Variants in VPS13D observed in about 807,000 individuals in gnomAD.
VPS13D encodes the protein vacuolar protein sorting 13 homolog D, also known as intermembrane lipid transfer protein VPS13D.
Under a neutral mutation model 461.9 loss-of-function variants are expected in VPS13D, and 187 were observed. The ratio of observed to expected loss-of-function variants is 0.40; its 90% CI spans 0.36 to 0.46. The LOEUF is 0.46. Ranked by LOEUF, VPS13D falls within the 20% of genes least tolerant of loss-of-function variation. VPS13D has a pLI of 0.60. For missense variants in VPS13D, 4,711 were observed against 5,364.9 expected, an observed-to-expected ratio of 0.88 and a Z score of 3.81; for synonymous variants, 1,951 against 1,986.3, an observed-to-expected ratio of 0.98 and a Z score of 0.47.
chr1:12,344,210 A>G (rs568977898), intron 42 of VPS13D, among the ~76,000 whole-genome samples: 6 of 152,336 alleles, frequency 3.9e-5, no homozygotes, highest in East Asian at 3.9e-4. Flanking sequence ...TTTGAGCCTC[A>G]TATTTGTTTT....
rs747960751 is a variant in VPS13D at position 12,268,777 on chromosome 1, C to A, written c.1873C>A (p.Arg625=). The change falls in exon 16 of 70, where the codon CGG becomes AGG. Residue 625 remains arginine, a synonymous_variant. Transcript: ENST00000620676. ...TCCGGCGCACAGCCACTTTGAGAGGCGGCTCAATGTCAGCACAAGGCCCTT... is the reference window on the plus strand; with the variant it reads ...TCCGGCGCACAGCCACTTTGAGAGGAGGCTCAATGTCAGCACAAGGCCCTT... ...RNPAHSHFER[R]LNVSTRPLNI... The A allele has an allele frequency of 1.9e-6, 3 of 1,614,050 alleles. No homozygotes were observed. Among genetic ancestry groups the A allele is most frequent in the Non-Finnish European group, 1.7e-6 (2 of 1,179,992 alleles).
chr1:12,328,908 G>T (rs144879170), intron 36 of VPS13D, among the ~76,000 whole-genome samples: 1 of 152,098 alleles, frequency 6.6e-6, no homozygotes, highest in Non-Finnish European at 1.5e-5. Context: ...CCATTGTTTC[G>T]ATCTTGCCAG....
intron 55 of VPS13D, among the ~76,000 whole-genome samples, chr1:12,376,824 G>A (rs889288891): frequency 6.6e-6 from 1 of 152,148 alleles, no homozygotes; most frequent in African/African-American, 2.4e-5. Flanking sequence ...TGGAGTGTAG[G>A]TGTGACTGAA....
At chr1:12,469,442 T>G (rs1645534804) in intron 67 of VPS13D, among the ~76,000 whole-genome samples, 1 of 152,204 alleles carries the variant, frequency 6.6e-6, no homozygotes, top group Non-Finnish European at 1.5e-5. Flanking sequence ...CTTAAGAGAT[T>G]TACAAAAATG....
intron 29 of VPS13D, among the ~76,000 whole-genome samples, chr1:12,312,360 T>C (rs766689718): frequency 6.6e-6 from 1 of 152,082 alleles, no homozygotes; most frequent in Non-Finnish European, 1.5e-5. Flanking sequence ...CCACACAGGG[T>C]GATGGAGTCA....
intron 65 of VPS13D, among the ~76,000 whole-genome samples, chr1:12,453,260 C>T (rs765861126): frequency 6.6e-6 from 1 of 151,978 alleles, no homozygotes; most frequent in Admixed American, 6.6e-5. Context: ...AGATTATTCT[C>T]CCATATTCTC....
Position 12,460,171 on chromosome 1 carries a change from G to A in VPS13D, c.12467-30G>A, listed in dbSNP as rs779186189. 3.3e-6 allele frequency: 5 copies of A among 1,533,306 alleles called. No individual in the cohort carries two copies. The African/African-American group carries it at 4.2e-5, about 13-fold the overall frequency. 95.0% of individuals were successfully genotyped at this position (1,533,306 alleles called of 1,614,324 possible). ...AATGCTTTTGCTTTTGTCCTCGTCAGGTTACAACAGCCCTTGTCTTTTTCA... is the reference window on the plus strand; with the variant it reads ...AATGCTTTTGCTTTTGTCCTCGTCAAGTTACAACAGCCCTTGTCTTTTTCA... On this transcript the variant is annotated intron_variant, in intron 66 of 69. Coordinates refer to ENST00000620676, the MANE Select transcript of VPS13D (RefSeq NM_015378.4).
intron 63 of VPS13D, among the ~76,000 whole-genome samples, chr1:12,407,088 A>G (rs1178147969): frequency 2.6e-5 from 4 of 152,244 alleles, no homozygotes; most frequent in Non-Finnish European, 5.9e-5. Flanking sequence ...GATTTGTTAA[A>G]AGGAAAAAAG....
intron 32 of VPS13D, 81 bp downstream of exon 32, chr1:12,319,711 C>T: frequency 1.9e-6 from 3 of 1,589,222 alleles, no homozygotes; most frequent in African/African-American, 2.7e-5. Context: ...CCCTCTTAAA[C>T]TTTCATGAGG....
chr1:12,452,425 C>G (rs535919209), intron 65 of VPS13D, among the ~76,000 whole-genome samples: 85 of 152,336 alleles, frequency 5.6e-4, no homozygotes, highest in African/African-American at 1.9e-3. Flanking sequence ...TAAAATAGTG[C>G]TTCCAAGCTT....
intron 25 of VPS13D, among the ~76,000 whole-genome samples, chr1:12,301,137 C>T (rs1008496073): frequency 6.6e-6 from 1 of 152,228 alleles, no homozygotes; most frequent in Non-Finnish European, 1.5e-5. Context: ...GTGCTCTTTA[C>T]ATATAAAAGG....
In VPS13D at chr1:12,436,340, G is replaced by A. The variant is rs555775148; in HGVS notation, c.12333+19513G>A. On this transcript the variant is annotated intron_variant, in intron 65 of 69. Transcript: ENST00000620676. Reference sequence around the variant, plus strand: ...AAGTCCAAGGAGATGCTTGCCATGTGGACAAGAGACAGGTGGGGACAAGAA... The same window carrying A: ...AAGTCCAAGGAGATGCTTGCCATGTAGACAAGAGACAGGTGGGGACAAGAA... Among the ~76,000 whole-genome samples, 3 of 152,296 alleles carry A rather than the reference G, an allele frequency of 2.0e-5. No individual in the cohort carries two copies. The South Asian group carries it at 6.2e-4, about 32-fold the overall frequency.
At chr1:12,442,434 A>G (rs944627739) in intron 65 of VPS13D, among the ~76,000 whole-genome samples, 2 of 152,208 alleles carry the variant, frequency 1.3e-5, no homozygotes, top group Non-Finnish European at 2.9e-5. Context: ...CTAAAGTTAC[A>G]TGAAACAAAC....
chr1:12,467,679 A>G (rs372373100), intron 67 of VPS13D, among the ~76,000 whole-genome samples: 4 of 152,282 alleles, frequency 2.6e-5, no homozygotes, highest in African/African-American at 7.2e-5. Flanking sequence ...GCTCAGATCT[A>G]TTGTTGGAAA....
Position 12,359,758 on chromosome 1 carries a change from G to A in VPS13D, c.10141+1157G>A, listed in dbSNP as rs116610781. Among the ~76,000 whole-genome samples, 740 of 152,284 alleles carry A rather than the reference G, an allele frequency of 4.9e-3. 4 individuals carry two copies. The highest frequency in any genetic ancestry group is 0.017 in the African/African-American group (715 of 41,572). ...TTGTATTCATTCTCCCTTGACATGTGAACTGTCTTCTTAAAGTTGACATTA... is the reference window on the plus strand; with the variant it reads ...TTGTATTCATTCTCCCTTGACATGTAAACTGTCTTCTTAAAGTTGACATTA... On this transcript the variant is annotated intron_variant, in intron 50 of 69. Transcript: ENST00000620676.
At position 12,293,559 on chromosome 1, in the gene VPS13D, A is replaced by G. The variant is rs765113130; in HGVS notation, c.5888A>G (p.His1963Arg). The change falls in exon 24 of 70, where the codon CAC becomes CGC. Residue 1963 changes from histidine (H) to arginine (R), a missense_variant. Transcript: ENST00000620676. Reference sequence around the variant, plus strand: ...CCTGACCCTCTGCTCCGGAGAGAACACGACATTCGCGTGAGCCTCCGGATG... The same window carrying G: ...CCTGACCCTCTGCTCCGGAGAGAACGCGACATTCGCGTGAGCCTCCGGATG... ...GRPDPLLRRE[H>R]DIRVSLRMAS... 6.2e-7 allele frequency: 1 copy of G among 1,613,906 alleles called. No individual in the cohort carries two copies. The highest frequency in any genetic ancestry group is 8.5e-7 in the Non-Finnish European group (1 of 1,179,848).
Position 12,277,769 on chromosome 1 carries a change from G to A in VPS13D, c.4181G>A (p.Ser1394Asn), listed in dbSNP as rs1198045765. ...PVVSIPRKPG[S>N]PELLVGHLGQ... is the part of the protein sequence containing the mutation. ...GTTTCTATCCCTCGGAAGCCGGGGAGTCCTGAGTTGTTGGTGGGACACTTG... is the reference window on the plus strand; with the variant it reads ...GTTTCTATCCCTCGGAAGCCGGGGAATCCTGAGTTGTTGGTGGGACACTTG... The change falls in exon 19 of 70, where the codon AGT (serine) becomes AAT (asparagine). Residue 1394 changes from serine to asparagine, a missense_variant. Coordinates refer to ENST00000620676, the MANE Select transcript of VPS13D (RefSeq NM_015378.4). The A allele has an allele frequency of 6.2e-7, 1 of 1,614,094 alleles. No individual in the cohort carries two copies. The highest frequency in any genetic ancestry group is 1.3e-5 in the African/African-American group (1 of 74,940).
intron 1 of VPS13D, among the ~76,000 whole-genome samples, chr1:12,231,782 A>AG (rs1639981707): frequency 7.9e-5 from 12 of 152,160 alleles, no homozygotes; most frequent in Non-Finnish European, 1.5e-4. Flanking sequence ...TAAGGTCAGG[A>AG]TTTCAGACCA....
intron 46 of VPS13D, 151 bp downstream of exon 46, chr1:12,349,525 C>A: frequency 1.1e-6 from 1 of 871,246 alleles, no homozygotes; most frequent in Non-Finnish European, 1.7e-6. Flanking sequence ...AGTTAGAGTT[C>A]ATGAGAACTC....
Sources: allele counts gnomAD v4.1 joint callset (sites outside exome capture counted in the v4.1 genomes callset), GRCh38; gene constraint gnomAD v4.1.1; transcripts MANE v1.5; gene names NCBI Gene and HGNC (gene_info 2026-07-23, HGNC 2026-07-21).